NBAS: variants seen among roughly 807,000 people sequenced by gnomAD.
NBAS encodes the protein NAG/BC035112 fusion.
A neutral mutation model predicts 302.5 loss-of-function variants in NBAS; 219 were observed. The observed-to-expected ratio is 0.72, with a 90% CI of 0.65 to 0.81. The LOEUF (loss-of-function observed/expected upper bound fraction) is 0.81, where lower values mean the gene tolerates loss of function less well. Ranked by LOEUF, NBAS falls within the 30% of genes least tolerant of loss-of-function variation. The pLI is 0.00. For missense variants in NBAS, 2,932 were observed against 2,841.6 expected (o/e 1.03, Z -0.72); for synonymous variants, 1,118 against 1,021.6 (o/e 1.09, Z -1.80).
chr2:15,000,528 G>A, the NBAS span, among the ~76,000 whole-genome samples: 14 of 152,082 alleles, frequency 9.2e-5, no homozygotes, highest in Non-Finnish European at 1.6e-4. Flanking sequence ...ATAGATGATT[G>A]CAGTTGCTAT....
At chr2:15,364,189 T>A (rs879476571) in intron 32 of NBAS, among the ~76,000 whole-genome samples, 1 of 152,112 alleles carries the variant, frequency 6.6e-6, no homozygotes, top group Non-Finnish European at 1.5e-5. Flanking sequence ...AGTCCAAGAA[T>A]AAAATACACT....
the NBAS span, among the ~76,000 whole-genome samples, chr2:14,816,850 C>G: frequency 2.4e-3 from 366 of 152,218 alleles, no homozygotes; most frequent in African/African-American, 8.0e-3. Flanking sequence ...GTTGTTATGA[C>G]ACAGCACACT....
At chr2:15,002,671 C>G in the NBAS span, among the ~76,000 whole-genome samples, 95 of 152,346 alleles carry the variant, frequency 6.2e-4, no homozygotes, top group Middle Eastern at 3.4e-3. Flanking sequence ...AGGTCCCGAG[C>G]CCTGCCCGGC....
At chr2:15,017,507 C>A in the NBAS span, among the ~76,000 whole-genome samples, 1 of 126,936 alleles carries the variant, frequency 7.9e-6, no homozygotes, top group Admixed American at 7.6e-5. Context: ...ATGATCTGAA[C>A]AGGTGTTGCT....
chr2:15,468,789 C>T (rs1679834473), intron 16 of NBAS, among the ~76,000 whole-genome samples: 1 of 152,146 alleles, frequency 6.6e-6, no homozygotes, highest in African/African-American at 2.4e-5. Flanking sequence ...AAGCTCAGGA[C>T]TCATTTTTGG....
the NBAS span, among the ~76,000 whole-genome samples, chr2:14,794,006 A>G: frequency 6.6e-6 from 1 of 152,220 alleles, no homozygotes; most frequent in Non-Finnish European, 1.5e-5. Flanking sequence ...AAAGGAATAC[A>G]CTAAAAGGAC....
chr2:15,198,665 C>T (rs1665728941), intron 48 of NBAS, among the ~76,000 whole-genome samples: 1 of 152,092 alleles, frequency 6.6e-6, no homozygotes, highest in African/African-American at 2.4e-5. Flanking sequence ...TGAGTTTTAG[C>T]TATAATTAAA....
the NBAS span, among the ~76,000 whole-genome samples, chr2:14,914,619 G>T: frequency 6.6e-6 from 1 of 152,102 alleles, no homozygotes; most frequent in African/African-American, 2.4e-5. Context: ...GTCATTCCAG[G>T]CCCAACTGAT....
intron 16 of NBAS, among the ~76,000 whole-genome samples, chr2:15,469,422 A>G (rs1572895753): frequency 6.6e-6 from 1 of 152,178 alleles, no homozygotes; most frequent in East Asian, 1.9e-4. Flanking sequence ...TGTGGAAGAC[A>G]GTGTGGCGAT....
intron 9 of NBAS, among the ~76,000 whole-genome samples, chr2:15,512,411 G>A (rs1488734918): frequency 6.6e-6 from 1 of 152,126 alleles, no homozygotes; most frequent in Non-Finnish European, 1.5e-5. Context: ...TGTTCACCTT[G>A]TGTGGCAGGC....
At chr2:15,161,673 GA>G in the NBAS span, among the ~76,000 whole-genome samples, 3 of 152,334 alleles carry the variant, frequency 2.0e-5, no homozygotes, top group East Asian at 5.8e-4. Flanking sequence ...TCTGCATCCA[GA>G]TGGGGGAACT....
At chr2:15,553,510 T>C in intron 4 of NBAS, 37 bp from the exon 5 acceptor site, 1 of 1,533,822 alleles carries the variant, frequency 6.5e-7, no homozygotes, top group South Asian at 1.1e-5. Context: ...GAAAATCTAT[T>C]ATGAATATCT....
Position 15,293,648 on chromosome 2 carries a change from A to G in NBAS, c.4798-882T>C, listed in dbSNP as rs575158647. Among the ~76,000 whole-genome samples the G allele has an allele frequency of 2.3e-3, 216 of 93,398 alleles. 1 individual carries two copies. The highest frequency in any genetic ancestry group is 0.017 in the African/African-American group (183 of 10,462). The allele number at this position is 93,398 out of a possible 152,430, so 61.3% of individuals were successfully genotyped here. ...GCTACATATTTAATATAAGCAAATT[A>G]GAGAAAAAAAAAAGAATCTACCTTT... On this transcript the variant is annotated intron_variant, in intron 40 of 51. Transcript: ENST00000281513.
At chr2:15,326,821 C>T (rs1253377601) in intron 38 of NBAS, among the ~76,000 whole-genome samples, 1 of 151,990 alleles carries the variant, frequency 6.6e-6, no homozygotes, top group Non-Finnish European at 1.5e-5. Flanking sequence ...TTCAAGGGAC[C>T]CGCACAGTGG....
intron 4 of NBAS, 125 bp from the exon 5 acceptor site, chr2:15,553,598 C>T: frequency 1.1e-6 from 1 of 896,426 alleles, no homozygotes; most frequent in South Asian, 1.5e-5. Context: ...CTTTAATTAT[C>T]CATCTTTTGA....
At chr2:15,180,165 A>G (rs1435876043) in intron 50 of NBAS, 3 of 152,268 alleles carry the variant, frequency 2.0e-5, no homozygotes, top group Non-Finnish European at 2.9e-5. Flanking sequence ...CATCAATAAA[A>G]TAAGAATGAC....
chr2:14,851,618 A>T, the NBAS span, among the ~76,000 whole-genome samples: 3 of 120,720 alleles, frequency 2.5e-5, no homozygotes. Context: ...CCTGGCAGAG[A>T]CACAACCAAA....
At chr2:14,953,479 C>A in the NBAS span, among the ~76,000 whole-genome samples, 5 of 152,126 alleles carry the variant, frequency 3.3e-5, no homozygotes, top group South Asian at 2.1e-4. Context: ...GTGCAGTCAC[C>A]CAAGGTGTCA....
chr2:15,186,828 T>A lies in NBAS; in HGVS notation c.6625A>T (p.Thr2209Ser), dbSNP rs77122741. The change falls in exon 50 of 52, where the codon ACG (threonine) becomes TCG (serine). Residue 2209 changes from threonine (T) to serine (S), a missense_variant. By Grantham distance (58) the Thr-to-Ser change is moderately conservative. Transcript: ENST00000281513. ...CCCAATCCTTCCTTGTTCTCCATCG[T>A]ACATCTGGTTAGCATCACTGTAGCT... is the stretch of plus-strand genomic sequence containing the variant. ...RLATVMLTRC[T>S]MENKEGLGNE... is the part of the protein sequence containing the mutation. 3.1e-6 allele frequency: 5 copies of A among 1,614,020 alleles called. No homozygotes were observed.
Sources: allele counts gnomAD v4.1 joint callset (sites outside exome capture counted in the v4.1 genomes callset), GRCh38; gene constraint gnomAD v4.1.1; transcripts MANE v1.5; gene names NCBI Gene and HGNC (gene_info 2026-07-23, HGNC 2026-07-21).